CTNNA2: variants seen among roughly 807,000 people sequenced by gnomAD.
CTNNA2 encodes the protein catenin alpha 2.
Under a neutral mutation model 101.0 loss-of-function variants are expected in CTNNA2, and 42 were observed. The ratio of observed to expected loss-of-function variants is 0.42; its 90% CI spans 0.32 to 0.54. The LOEUF (loss-of-function observed/expected upper bound fraction) is 0.54, where lower values mean the gene tolerates loss of function less well. Ranked by LOEUF, CTNNA2 falls within the 20% of genes least tolerant of loss-of-function variation. The pLI is 0.14. For missense variants in CTNNA2, 871 were observed against 1,223.1 expected, an observed-to-expected ratio of 0.71 and a Z score of 4.29; for synonymous variants, 450 against 456.4, an observed-to-expected ratio of 0.99 and a Z score of 0.18.
At chr2:79,582,224 C>A (rs1463862348) in intron 1 of CTNNA2, among the ~76,000 whole-genome samples, 5 of 152,188 alleles carry the variant, frequency 3.3e-5, no homozygotes, top group African/African-American at 1.2e-4. Context: ...AATATGTTAA[C>A]ATGTAAAACC....
intron 7 of CTNNA2, among the ~76,000 whole-genome samples, chr2:80,089,947 T>G (rs948700270): frequency 4.6e-5 from 7 of 152,046 alleles, no homozygotes; most frequent in African/African-American, 1.7e-4. Context: ...CCAAGAATGA[T>G]GCCTTCAGGT....
In CTNNA2 at chr2:80,530,762, A is replaced by AT. The variant is rs1360418049; in HGVS notation, c.1291-14214dup. 7.9e-5 allele frequency among the ~76,000 whole-genome samples: 12 copies of AT among 152,206 alleles called. No individual in the cohort carries two copies. In the East Asian group the frequency reaches 9.7e-4, roughly 12 times the overall value. On this transcript the variant is annotated intron_variant, in intron 9 of 18. Coordinates refer to ENST00000402739, the MANE Select transcript of CTNNA2 (RefSeq NM_001282597.3). The stretch of plus-strand genomic sequence containing the variant: ...GACAGCAGATATGGAGAACTCTTTG[A>AT]TTTTTTCCCTCTCTGATGACTGAGG...
chr2:79,906,987 C>T (rs192193244), intron 6 of CTNNA2, among the ~76,000 whole-genome samples: 16 of 152,284 alleles, frequency 1.1e-4, no homozygotes, highest in African/African-American at 3.1e-4. Context: ...TCTAATGACA[C>T]TAGTACATTC....
At chr2:80,109,176 T>C (rs1270853940) in intron 7 of CTNNA2, among the ~76,000 whole-genome samples, 1 of 152,214 alleles carries the variant, frequency 6.6e-6, no homozygotes, top group Non-Finnish European at 1.5e-5. Flanking sequence ...AACAAACTTA[T>C]TGGGCTGGGC....
Position 80,540,606 on chromosome 2 carries a change from A to T in CTNNA2, c.1291-4376A>T, listed in dbSNP as rs187270298. Among the ~76,000 whole-genome samples, 343 of 151,920 alleles carry T rather than the reference A, an allele frequency of 2.3e-3. 5 individuals carry two copies. Among genetic ancestry groups the T allele is most frequent in the Admixed American group, 0.017 (254 of 15,250 alleles). ...AATGAGACTCCATCTCAAAAAAAAAAAAAAATCAATTTTGAGATACCTACT... is the reference window on the plus strand; with the variant it reads ...AATGAGACTCCATCTCAAAAAAAAATAAAAATCAATTTTGAGATACCTACT... On this transcript the variant is annotated intron_variant, in intron 9 of 18. Coordinates refer to ENST00000402739, the MANE Select transcript of CTNNA2 (RefSeq NM_001282597.3).
chr2:79,789,252 A>T (rs1284581553), intron 3 of CTNNA2, among the ~76,000 whole-genome samples: 1 of 152,178 alleles, frequency 6.6e-6, no homozygotes, highest in African/African-American at 2.4e-5. Context: ...TTACAGGTCT[A>T]TAAATGTGAA....
intron 7 of CTNNA2, among the ~76,000 whole-genome samples, chr2:80,201,582 A>T (rs1459040917): frequency 6.6e-6 from 1 of 151,702 alleles, no homozygotes; most frequent in Admixed American, 6.6e-5. Context: ...TCACCGTGTT[A>T]GCTAGGATGG....
intron 7 of CTNNA2, among the ~76,000 whole-genome samples, chr2:80,176,469 G>A (rs997630626): frequency 1.2e-4 from 19 of 152,328 alleles, no homozygotes; most frequent in African/African-American, 3.8e-4. Flanking sequence ...AACTGGTCAC[G>A]TGTCATAGCT....
chr2:79,316,457 T>G (rs1261196059), intron 3 of CTNNA2, among the ~76,000 whole-genome samples: 3 of 152,054 alleles, frequency 2.0e-5, no homozygotes, highest in Non-Finnish European at 4.4e-5. Context: ...TCTTGTCAAT[T>G]TCTTCCGAAA....
At chr2:79,250,895 A>G (rs1445275837) in intron 2 of CTNNA2, among the ~76,000 whole-genome samples, 1 of 152,192 alleles carries the variant, frequency 6.6e-6, no homozygotes, top group African/African-American at 2.4e-5. Context: ...CTTCAGGTCC[A>G]ATGTGTGTAG....
intron 9 of CTNNA2, among the ~76,000 whole-genome samples, chr2:80,421,375 T>A (rs998010576): frequency 3.3e-5 from 5 of 152,146 alleles, no homozygotes; most frequent in African/African-American, 1.2e-4. Context: ...CTACTTTCAG[T>A]CCTATTAGTG....
chr2:79,334,090 G>A (rs1048085025), intron 3 of CTNNA2, among the ~76,000 whole-genome samples: 10 of 152,026 alleles, frequency 6.6e-5, no homozygotes, highest in Admixed American at 5.2e-4. Context: ...TGTTGGGGAC[G>A]TTCAAAATCC....
chr2:79,976,423 G>T lies in CTNNA2; in HGVS notation c.1056+66626G>T, dbSNP rs186070962. On this transcript the variant is annotated intron_variant, in intron 7 of 18. Transcript: ENST00000402739. Reference sequence around the variant, plus strand: ...CAGAATGCTCCTTCCTTTTTATTGAGATGTAAACGGATTATGTCTCCATTC... The same window carrying T: ...CAGAATGCTCCTTCCTTTTTATTGATATGTAAACGGATTATGTCTCCATTC... 1.6e-4 allele frequency among the ~76,000 whole-genome samples: 24 copies of T among 152,218 alleles called. No homozygotes were observed. In the East Asian group the frequency reaches 3.7e-3, roughly 23 times the overall value.
chr2:79,989,739 A>C (rs796692257), intron 7 of CTNNA2, among the ~76,000 whole-genome samples: 1 of 152,218 alleles, frequency 6.6e-6, no homozygotes, highest in Non-Finnish European at 1.5e-5. Flanking sequence ...TGGCTTCCTT[A>C]TAAATTTCTT....
chr2:80,562,525 T>C (rs1014124295), intron 12 of CTNNA2, among the ~76,000 whole-genome samples: 1 of 152,202 alleles, frequency 6.6e-6, no homozygotes, highest in Non-Finnish European at 1.5e-5. Context: ...ATGTGCAAAA[T>C]GGAGGAAATT....
chr2:79,601,799 T>A, intron 1 of CTNNA2, among the ~76,000 whole-genome samples: 1 of 152,198 alleles, frequency 6.6e-6, no homozygotes, highest in East Asian at 1.9e-4. Flanking sequence ...AAATACACTG[T>A]AAAGGTAGAT....
intron 2 of CTNNA2, among the ~76,000 whole-genome samples, chr2:79,225,750 G>T (rs544917380): frequency 6.6e-6 from 1 of 152,138 alleles, no homozygotes; most frequent in Non-Finnish European, 1.5e-5. Context: ...CCAGAATGAG[G>T]TACTATGTGC....
At chr2:79,427,404 T>TA (rs910277569) in intron 4 of CTNNA2, among the ~76,000 whole-genome samples, 3 of 152,098 alleles carry the variant, frequency 2.0e-5, no homozygotes, top group East Asian at 1.9e-4. Flanking sequence ...AATATGTTAC[T>TA]AAAAAAACTC....
chr2:79,923,831 G>C (rs937595684), intron 7 of CTNNA2, among the ~76,000 whole-genome samples: 1 of 152,026 alleles, frequency 6.6e-6, no homozygotes, highest in Non-Finnish European at 1.5e-5. Context: ...ACATAAAATT[G>C]AGATTGTATA....
Sources: gnomAD v4.1 joint callset for allele counts (sites outside exome capture counted in the v4.1 genomes callset) on GRCh38, gnomAD v4.1.1 for gene constraint, MANE v1.5 for transcripts, NCBI Gene and HGNC (gene_info 2026-07-23, HGNC 2026-07-21) for gene names.